The following SUDS3 variants were observed in gnomAD, a reference collection of about 807,000 sequenced individuals.
The protein encoded by SUDS3 is SIN3A corepressor complex component SDS3.
A neutral mutation model predicts 53.5 loss-of-function variants in SUDS3; 23 were observed. The observed-to-expected ratio is 0.43, with a 90% CI of 0.31 to 0.61. The LOEUF is 0.61. Among genes scored for constraint, SUDS3 ranks in the 20% least tolerant of loss-of-function variants. The pLI is 0.10. For missense variants in SUDS3, 291 were observed against 405.9 expected (o/e 0.72, Z 2.43); for synonymous variants, 150 against 148.5 (o/e 1.01, Z -0.08).
intron 6 of SUDS3, among the ~76,000 whole-genome samples, chr12:118,393,542 G>A (rs1351357465): frequency 6.6e-6 from 1 of 152,198 alleles, no homozygotes; most frequent in African/African-American, 2.4e-5. Flanking sequence ...AAGCTAGGAA[G>A]AATTATAGGT....
intron 10 of SUDS3, among the ~76,000 whole-genome samples, chr12:118,405,210 A>G (rs1339017830): frequency 1.3e-5 from 2 of 152,252 alleles, no homozygotes; most frequent in African/African-American, 2.4e-5. Flanking sequence ...GCCCACACAT[A>G]AGAACCATCT....
intron 6 of SUDS3, 138 bp downstream of exon 6, chr12:118,391,420 T>C: frequency 2.1e-6 from 2 of 948,600 alleles, no homozygotes; most frequent in Admixed American, 5.1e-5. Context: ...TCAGAGTTCC[T>C]CCTCCACCTT....
At chr12:118,401,935 A>G in intron 8 of SUDS3, 48 bp from the exon 9 acceptor site, 2 of 1,612,298 alleles carry the variant, frequency 1.2e-6, no homozygotes, top group South Asian at 2.2e-5. Context: ...CTGAAGTTGC[A>G]CCTGAAATGA....
chr12:118,387,863 G>A (rs2046129496), intron 4 of SUDS3, among the ~76,000 whole-genome samples: 1 of 152,154 alleles, frequency 6.6e-6, no homozygotes. Context: ...GCCCTCATGT[G>A]TTCTTTCACA....
intron 2 of SUDS3, among the ~76,000 whole-genome samples, chr12:118,381,749 C>T (rs2046064810): frequency 6.7e-6 from 1 of 149,402 alleles, no homozygotes; most frequent in East Asian, 1.9e-4. Context: ...CAAACCTTCT[C>T]ATTGTCTTCA....
Position 118,384,013 on chromosome 12 carries a change from A to T in SUDS3, c.214A>T (p.Met72Leu). ...EEDYVEMKEQ[M>L]YQDKLASLKR... ...AGTGTGACTTTTTTTTTTTTATAGG[A>T]TGTATCAGGACAAACTGGCTTCTCT... Residue 72 changes from methionine (M) to leucine (L), a missense_variant and splice_region_variant, in exon 3 of 12, where the codon ATG (methionine) becomes TTG (leucine). Transcript: ENST00000543473. 1 of 1,609,278 alleles carries T rather than the reference A, an allele frequency of 6.2e-7. No homozygotes were observed. The highest frequency in any genetic ancestry group is 8.5e-7 in the Non-Finnish European group (1 of 1,177,998).
rs376397874 is a variant in SUDS3, at chr12:118,391,170, A to G, written c.405A>G (p.Ala135=). Residue 135 remains alanine (A), a synonymous_variant, in exon 6 of 12, where the codon GCA becomes GCG. Transcript: ENST00000543473. ...ATTACATTAAAGAAAAGAAGGCAGC[A>G]GTGAAAGAATTTGAAGACAAGAAGG... is the stretch of plus-strand genomic sequence containing the variant. ...ERNYIKEKKA[A]VKEFEDKKVE... is the part of the protein sequence containing the mutation. 1 of 1,613,754 alleles carries G rather than the reference A, an allele frequency of 6.2e-7. No individual in the cohort carries two copies. Among genetic ancestry groups the G allele is most frequent in the Non-Finnish European group, 8.5e-7 (1 of 1,179,882 alleles).
At chr12:118,401,670 T>G (rs2066519954) in intron 7 of SUDS3, 89 bp from the exon 8 acceptor site, 3 of 1,115,208 alleles carry the variant, frequency 2.7e-6, no homozygotes, top group Non-Finnish European at 4.0e-6. Context: ...AATCATACTT[T>G]GTAAATTCTA....
chr12:118,402,994 G>A (rs918339830), intron 9 of SUDS3, among the ~76,000 whole-genome samples: 8 of 152,218 alleles, frequency 5.3e-5, no homozygotes, highest in South Asian at 4.1e-4. Flanking sequence ...TGTTGACCTC[G>A]TGATTCACCT....
intron 1 of SUDS3, among the ~76,000 whole-genome samples, chr12:118,378,780 A>T (rs889455645): frequency 3.9e-5 from 6 of 151,900 alleles, no homozygotes; most frequent in Non-Finnish European, 7.4e-5. Flanking sequence ...AGTTCAAGCA[A>T]TTCTCCTGCC....
At chr12:118,403,735 C>T (rs779321740) in intron 10 of SUDS3, among the ~76,000 whole-genome samples, 12 of 152,198 alleles carry the variant, frequency 7.9e-5, no homozygotes, top group Admixed American at 4.6e-4. Flanking sequence ...GCTCCCCTTC[C>T]TTCTCCATTC....
chr12:118,406,002 T>G (rs1488758585), intron 10 of SUDS3, among the ~76,000 whole-genome samples: 1 of 152,222 alleles, frequency 6.6e-6, no homozygotes, highest in Non-Finnish European at 1.5e-5. Flanking sequence ...CATCTTGGTG[T>G]GAATACTTGC....
At chr12:118,381,097 C>G (rs2046054525) in intron 2 of SUDS3, among the ~76,000 whole-genome samples, 1 of 152,196 alleles carries the variant, frequency 6.6e-6, no homozygotes, top group Non-Finnish European at 1.5e-5. Context: ...AGTGTAAACT[C>G]ACTGCACTAA....
chr12:118,380,119 G>C (rs1048364989), intron 1 of SUDS3, 43 bp from the exon 2 acceptor site: 1 of 1,535,130 alleles, frequency 6.5e-7, no homozygotes, highest in African/African-American at 1.4e-5. Flanking sequence ...CCAACTCCGT[G>C]AATTATGATT....
chr12:118,413,148 A>G (rs1419484511), intron 11 of SUDS3, among the ~76,000 whole-genome samples: 2 of 152,224 alleles, frequency 1.3e-5, no homozygotes, highest in African/African-American at 4.8e-5. Context: ...AAGCCAGTGT[A>G]TTTGACTTTA....
Position 118,411,062 on chromosome 12 carries a change from G to A in SUDS3, c.804-11G>A, listed in dbSNP as rs375620775. 1 of 1,598,926 alleles carries A rather than the reference G, an allele frequency of 6.3e-7. No homozygotes were observed. Among genetic ancestry groups the A allele is most frequent in the South Asian group, 1.1e-5 (1 of 88,058 alleles). On this transcript the variant is annotated splice_polypyrimidine_tract_variant and intron_variant, in intron 10 of 11. Coordinates refer to ENST00000543473, the MANE Select transcript of SUDS3 (RefSeq NM_022491.3). Reference sequence around the variant, plus strand: ...CTCCCTTTTTAAAAATGTGTGCCTTGTTTTTGTCAGGTACCACAAGAGCCA... The same window carrying A: ...CTCCCTTTTTAAAAATGTGTGCCTTATTTTTGTCAGGTACCACAAGAGCCA...
chr12:118,405,941 TCTTC>T (rs1316289092), intron 10 of SUDS3, among the ~76,000 whole-genome samples: 1 of 152,226 alleles, frequency 6.6e-6, no homozygotes, highest in Non-Finnish European at 1.5e-5. Context: ...GCAGAAGATG[TCTTC>T]CTGAGTTTTA....
intron 3 of SUDS3, among the ~76,000 whole-genome samples, chr12:118,385,124 T>G (rs1460101354): frequency 6.6e-6 from 1 of 152,044 alleles, no homozygotes; most frequent in Non-Finnish European, 1.5e-5. Context: ...TTTTTTTTTT[T>G]TCGAGGCTGA....
At chr12:118,390,080 G>A in intron 5 of SUDS3, 134 bp downstream of exon 5, 1 of 1,109,368 alleles carries the variant, frequency 9.0e-7, no homozygotes, top group South Asian at 1.3e-5. Context: ...TTTGACTTAA[G>A]GACATTTGGT....
Sources: allele counts gnomAD v4.1 joint callset (sites outside exome capture counted in the v4.1 genomes callset), GRCh38; gene constraint gnomAD v4.1.1; transcripts MANE v1.5; gene names NCBI Gene and HGNC (gene_info 2026-07-23, HGNC 2026-07-21).